Variants in CDH9 observed in about 807,000 individuals in gnomAD.
CDH9 encodes cadherin-9.
CDH9 carries 28 observed loss-of-function variants against 70.9 expected under a neutral mutation model. The observed-to-expected ratio is 0.40, with a 90% CI of 0.29 to 0.54. The LOEUF (loss-of-function observed/expected upper bound fraction) is 0.54. CDH9 is among the 20% of genes least tolerant of loss of function. CDH9 has a pLI of 0.59. For missense variants in CDH9, 874 were observed against 984.4 expected (o/e 0.89, Z 1.50); for synonymous variants, 409 against 343.1 (o/e 1.19, Z -2.12).
At chr5:26,900,151 G>A (rs1278729443) in intron 7 of CDH9, among the ~76,000 whole-genome samples, 1 of 151,938 alleles carries the variant, frequency 6.6e-6, no homozygotes, top group Admixed American at 6.6e-5. Context: ...TAAATAATTA[G>A]ATAACCAGAA....
chr5:27,027,729 C>T (rs978242665), intron 1 of CDH9, among the ~76,000 whole-genome samples: 3 of 151,936 alleles, frequency 2.0e-5, no homozygotes, highest in Non-Finnish European at 4.4e-5. Flanking sequence ...AATTTGCACC[C>T]AGAAGTAAAG....
rs115986512 is a variant in CDH9 at position 26,985,788 on chromosome 5, G to T, written c.228+2318C>A. ...GAAGACTAGGTTGAGGTCTACCCAG[G>T]GAGACCAGAAACACTGTGGTCAAAA... On this transcript the variant is annotated intron_variant, in intron 2 of 11. Transcript: ENST00000231021. Among the ~76,000 whole-genome samples, 1,332 of 152,118 alleles carry T rather than the reference G, an allele frequency of 8.8e-3. 23 individuals carry two copies. Among genetic ancestry groups the T allele is most frequent in the African/African-American group, 0.03 (1,261 of 41,514 alleles).
At chr5:26,933,386 G>A (rs535908583) in intron 2 of CDH9, among the ~76,000 whole-genome samples, 2 of 151,686 alleles carry the variant, frequency 1.3e-5, no homozygotes, top group South Asian at 2.1e-4. Context: ...AGGGAAAGAA[G>A]TCAATGAAAT....
At chr5:27,033,638 AC>A (rs2112138152) in intron 1 of CDH9, among the ~76,000 whole-genome samples, 1 of 151,642 alleles carries the variant, frequency 6.6e-6, no homozygotes, top group African/African-American at 2.4e-5. Flanking sequence ...TTTAAAAAAA[AC>A]AAAAAACAAA....
intron 11 of CDH9, among the ~76,000 whole-genome samples, chr5:26,883,089 A>ATATG (rs1740499436): frequency 2.3e-5 from 3 of 129,624 alleles, no homozygotes; most frequent in South Asian, 4.8e-4. Context: ...ATATATATAT[A>ATATG]TATATAAAAC....
At chr5:26,929,431 AG>A (rs1442953621) in intron 2 of CDH9, among the ~76,000 whole-genome samples, 3 of 152,084 alleles carry the variant, frequency 2.0e-5, no homozygotes, top group Non-Finnish European at 2.9e-5. Flanking sequence ...AGCAGTTTAG[AG>A]GTTCTTCAAA....
chr5:27,035,624 CA>C (rs1229159185), intron 1 of CDH9, among the ~76,000 whole-genome samples: 1 of 150,716 alleles, frequency 6.6e-6, no homozygotes, highest in Non-Finnish European at 1.5e-5. Context: ...GTTTTTATTA[CA>C]AAAAATCTCA....
intron 1 of CDH9, among the ~76,000 whole-genome samples, chr5:27,025,986 G>A (rs887433838): frequency 1.3e-5 from 2 of 151,858 alleles, no homozygotes; most frequent in Non-Finnish European, 2.9e-5. Flanking sequence ...ATAACCAGGA[G>A]GCACTGGAGA....
At chr5:26,935,582 A>G (rs759358832) in intron 2 of CDH9, among the ~76,000 whole-genome samples, 5 of 152,196 alleles carry the variant, frequency 3.3e-5, no homozygotes, top group East Asian at 1.9e-4. Flanking sequence ...AAGAATGGCC[A>G]CAACTAAAAA....
chr5:26,949,837 C>T (rs1272196738), intron 2 of CDH9, among the ~76,000 whole-genome samples: 1 of 152,112 alleles, frequency 6.6e-6, no homozygotes, highest in Non-Finnish European at 1.5e-5. Context: ...GAAAACAAAA[C>T]TCTATTTGTA....
chr5:27,010,991 G>A lies in CDH9; in HGVS notation c.-49-22609C>T, dbSNP rs117057837. 6.0e-4 allele frequency among the ~76,000 whole-genome samples: 92 copies of A among 152,210 alleles called. 1 individual carries two copies. The East Asian group carries it at 0.013, about 22-fold the overall frequency. On this transcript the variant is annotated intron_variant, in intron 1 of 11. Coordinates refer to ENST00000231021, the MANE Select transcript of CDH9 (RefSeq NM_016279.4). The stretch of plus-strand genomic sequence containing the variant: ...TTCCCATAATTGTCAAGAAAAGAGA[G>A]GGAACCTGGAAAATCTTATGGCCCT...
At chr5:27,017,948 T>C (rs1321819976) in intron 1 of CDH9, among the ~76,000 whole-genome samples, 1 of 151,972 alleles carries the variant, frequency 6.6e-6, no homozygotes, top group Non-Finnish European at 1.5e-5. Context: ...ATATTATGCT[T>C]TGAAAATTAT....
chr5:26,958,341 C>T (rs145624728), intron 2 of CDH9, among the ~76,000 whole-genome samples: 1 of 152,290 alleles, frequency 6.6e-6, no homozygotes. Flanking sequence ...TGAAATAAGG[C>T]ATATGCTTTC....
chr5:26,899,628 C>T (rs1353019091), intron 7 of CDH9, among the ~76,000 whole-genome samples: 1 of 151,902 alleles, frequency 6.6e-6, no homozygotes, highest in African/African-American at 2.4e-5. Flanking sequence ...GGGAGAACAT[C>T]ACACACTGGG....
chr5:26,908,114 A>C (rs1740981242), intron 3 of CDH9, among the ~76,000 whole-genome samples: 1 of 152,174 alleles, frequency 6.6e-6, no homozygotes, highest in Non-Finnish European at 1.5e-5. Flanking sequence ...AACAATGACA[A>C]CTTGAGCTCA....
chr5:26,958,052 G>A (rs188337654), intron 2 of CDH9, among the ~76,000 whole-genome samples: 3 of 152,202 alleles, frequency 2.0e-5, no homozygotes, highest in East Asian at 1.9e-4. Flanking sequence ...GAGCAAATGG[G>A]TGAGACTTAC....
chr5:26,943,002 T>A (rs77029985), intron 2 of CDH9, among the ~76,000 whole-genome samples: 94 of 152,302 alleles, frequency 6.2e-4, no homozygotes, highest in Non-Finnish European at 9.3e-4. Context: ...AAGGTCACAT[T>A]TATTAATTAT....
chr5:26,941,876 G>A (rs973335083), intron 2 of CDH9, among the ~76,000 whole-genome samples: 4 of 152,202 alleles, frequency 2.6e-5, no homozygotes, highest in Admixed American at 1.3e-4. Flanking sequence ...AAGGTGCAGA[G>A]GGCACATCTG....
chr5:26,945,555 A>C (rs1741737847), intron 2 of CDH9, among the ~76,000 whole-genome samples: 1 of 152,094 alleles, frequency 6.6e-6, no homozygotes, highest in Admixed American at 6.6e-5. Context: ...CCAATGTTTT[A>C]TGTCACTATT....
Sources: gnomAD v4.1 joint callset for allele counts (sites outside exome capture counted in the v4.1 genomes callset) on GRCh38, gnomAD v4.1.1 for gene constraint, MANE v1.5 for transcripts, NCBI Gene and HGNC (gene_info 2026-07-23, HGNC 2026-07-21) for gene names.